Variants in CRACD observed in about 807,000 individuals in gnomAD.
CRACD encodes capping protein inhibiting regulator of actin dynamics, also known as capping protein-inhibiting regulator of actin dynamics.
Under a neutral mutation model 106.8 loss-of-function variants are expected in CRACD, and 56 were observed. The ratio of observed to expected loss-of-function variants is 0.52; its 90% CI spans 0.42 to 0.66. CRACD has a LOEUF of 0.66. CRACD is among the 30% of genes least tolerant of loss of function. The pLI, the probability that CRACD is intolerant of heterozygous loss-of-function variation, is 0.00. For synonymous variants in CRACD, 754 were observed against 670.8 expected (o/e 1.12, Z -1.92); for missense variants, 1,730 against 1,623.2 (o/e 1.07, Z -1.13).
chr4:56,180,812 C>T (rs571439977), intron 2 of CRACD, among the ~76,000 whole-genome samples: 1 of 152,300 alleles, frequency 6.6e-6, no homozygotes, highest in South Asian at 2.1e-4. Context: ...CGTGAGAGTT[C>T]TCCTGGATTG....
chr4:56,248,398 C>A (rs1740826773), intron 2 of CRACD, among the ~76,000 whole-genome samples: 1 of 152,212 alleles, frequency 6.6e-6, no homozygotes, highest in Middle Eastern at 3.4e-3. Flanking sequence ...ACTCAGCCAG[C>A]TAAGTATTTA....
At chr4:56,053,773 A>G (rs1731953601) in intron 1 of CRACD, among the ~76,000 whole-genome samples, 1 of 152,206 alleles carries the variant, frequency 6.6e-6, no homozygotes, top group Admixed American at 6.5e-5. Context: ...TAAAAATCTG[A>G]ATTTGTGTAG....
At chr4:56,174,292 T>C (rs1736494380) in intron 1 of CRACD, among the ~76,000 whole-genome samples, 2 of 152,218 alleles carry the variant, frequency 1.3e-5, no homozygotes. Flanking sequence ...ATCAGTTCTT[T>C]GTGTTGGGAG....
In CRACD at chr4:56,165,033, A is replaced by C. The variant is rs1454560618; in HGVS notation, c.-335-14251A>C. 2.0e-5 allele frequency among the ~76,000 whole-genome samples: 3 copies of C among 152,220 alleles called. No individual in the cohort carries two copies. The East Asian group carries it at 5.8e-4, about 29-fold the overall frequency. On this transcript the variant is annotated intron_variant, in intron 1 of 10. Coordinates refer to ENST00000682029, the MANE Select transcript of CRACD (RefSeq NM_001393381.1). ...GGGCAGTTGGAATGTCCTGACCCAG[A>C]TGGCAGTTTCTGGCCATTCTTTGCA...
intron 5 of CRACD, 141 bp from the exon 6 acceptor site, chr4:56,310,525 G>A: frequency 1.6e-6 from 1 of 641,374 alleles, no homozygotes; most frequent in East Asian, 2.7e-5. Flanking sequence ...GTCTCCACTG[G>A]GACACCTGCT....
At chr4:56,307,093 A>G (rs1006682565) in intron 4 of CRACD, among the ~76,000 whole-genome samples, 1 of 152,226 alleles carries the variant, frequency 6.6e-6, no homozygotes, top group Admixed American at 6.5e-5. Context: ...ACCAACCTTT[A>G]GGGTCTTGAT....
At chr4:56,213,959 G>A (rs559603975) in intron 2 of CRACD, among the ~76,000 whole-genome samples, 4 of 152,224 alleles carry the variant, frequency 2.6e-5, no homozygotes, top group Non-Finnish European at 5.9e-5. Flanking sequence ...TAATAAGAAA[G>A]CCTGAATGGT....
chr4:56,113,815 G>A (rs1734195852), intron 1 of CRACD, among the ~76,000 whole-genome samples: 1 of 152,124 alleles, frequency 6.6e-6, no homozygotes, highest in Non-Finnish European at 1.5e-5. Flanking sequence ...TACATGATTA[G>A]AATTCGCACA....
intron 1 of CRACD, among the ~76,000 whole-genome samples, chr4:56,099,682 C>T (rs530441565): frequency 9.2e-5 from 14 of 152,236 alleles, no homozygotes; most frequent in East Asian, 1.9e-4. Flanking sequence ...CAACAGAGTT[C>T]AATTTGTCAC....
In CRACD at chr4:56,313,917, G is replaced by A. The variant is rs1025924540; in HGVS notation, c.538-123G>A. 3.8e-6 allele frequency: 5 copies of A among 1,314,902 alleles called. No homozygotes were observed. In the African/African-American group the frequency reaches 5.9e-5, roughly 16 times the overall value. 81.5% of individuals were successfully genotyped at this position (1,314,902 alleles called of 1,614,324 possible). Reference sequence around the variant, plus strand: ...CCTGAGTTTAGCTATCCCTGAACTTGAGAATACCTGCTTCCAGGTGTTCTT... The same window carrying A: ...CCTGAGTTTAGCTATCCCTGAACTTAAGAATACCTGCTTCCAGGTGTTCTT... On this transcript the variant is annotated intron_variant, in intron 7 of 10. Transcript: ENST00000682029.
chr4:56,307,835 C>T (rs890567224), intron 5 of CRACD, 136 bp downstream of exon 5: 5 of 806,826 alleles, frequency 6.2e-6, no homozygotes, highest in Non-Finnish European at 9.8e-6. Context: ...CTTGAGGGCA[C>T]TTCCTGGTAG....
At chr4:56,313,983 G>A (rs1745324256) in intron 7 of CRACD, 57 bp from the exon 8 acceptor site, 1 of 1,557,716 alleles carries the variant, frequency 6.4e-7, no homozygotes, top group Non-Finnish European at 8.7e-7. Context: ...ATAGGAAAAG[G>A]AACGACTGTG....
intron 1 of CRACD, among the ~76,000 whole-genome samples, chr4:56,088,405 C>T (rs909920251): frequency 1.3e-5 from 2 of 152,002 alleles, no homozygotes; most frequent in East Asian, 3.9e-4. Flanking sequence ...GACGTGATCT[C>T]GGCTCCTGCA....
chr4:56,284,744 A>G (rs1004799932), intron 3 of CRACD, among the ~76,000 whole-genome samples: 9 of 152,060 alleles, frequency 5.9e-5, no homozygotes, highest in Admixed American at 1.3e-4. Flanking sequence ...AAACAAAAAA[A>G]AAGAATCACA....
chr4:56,155,143 T>A (rs573282692), intron 1 of CRACD, among the ~76,000 whole-genome samples: 9 of 152,258 alleles, frequency 5.9e-5, no homozygotes, highest in Admixed American at 4.6e-4. Context: ...GCCCACATTG[T>A]ACATCTGTGG....
intron 3 of CRACD, among the ~76,000 whole-genome samples, chr4:56,274,983 A>G (rs1742597099): frequency 6.6e-6 from 1 of 152,226 alleles, no homozygotes; most frequent in African/African-American, 2.4e-5. Context: ...TTTTGCAGGA[A>G]CATGGATGGA....
chr4:56,065,599 A>T (rs1732438811), intron 1 of CRACD, among the ~76,000 whole-genome samples: 1 of 151,978 alleles, frequency 6.6e-6, no homozygotes, highest in African/African-American at 2.4e-5. Flanking sequence ...GTGTGCACTG[A>T]CTGTCTTGGT....
intron 1 of CRACD, among the ~76,000 whole-genome samples, chr4:56,167,879 T>C (rs908950717): frequency 6.6e-6 from 1 of 152,252 alleles, no homozygotes; most frequent in Admixed American, 6.5e-5. Flanking sequence ...GAAATTATGC[T>C]AAATGAAATA....
At chr4:56,235,055 C>T (rs1739883336) in intron 2 of CRACD, among the ~76,000 whole-genome samples, 1 of 151,966 alleles carries the variant, frequency 6.6e-6, no homozygotes, top group Non-Finnish European at 1.5e-5. Flanking sequence ...ATGCATATTG[C>T]GATATAGTAG....
Sources: gnomAD v4.1 joint callset for allele counts (sites outside exome capture counted in the v4.1 genomes callset) on GRCh38, gnomAD v4.1.1 for gene constraint, MANE v1.5 for transcripts, NCBI Gene and HGNC (gene_info 2026-07-23, HGNC 2026-07-21) for gene names.